Variants in PEX14 observed in about 807,000 individuals in gnomAD.
PEX14 encodes peroxisomal membrane protein PEX14.
PEX14 carries 15 observed loss-of-function variants against 49.5 expected under a neutral mutation model. The observed-to-expected ratio is 0.30, with a 90% confidence interval of 0.20 to 0.47. The LOEUF is 0.47. Among genes scored for constraint, PEX14 ranks in the 20% least tolerant of loss-of-function variants. The pLI is 1.00. For synonymous variants in PEX14, 210 were observed against 212.7 expected (o/e 0.99, Z 0.11); for missense variants, 398 against 494.8 (o/e 0.80, Z 1.86).
intron 3 of PEX14, among the ~76,000 whole-genome samples, chr1:10,588,171 G>A (rs942332050): frequency 6.6e-6 from 1 of 151,768 alleles, no homozygotes; most frequent in African/African-American, 2.4e-5. Flanking sequence ...AGTGAGCCGA[G>A]ATTGCACCAC....
chr1:10,592,327 G>A (rs1319189720), intron 3 of PEX14, among the ~76,000 whole-genome samples: 2 of 151,886 alleles, frequency 1.3e-5, no homozygotes, highest in Admixed American at 6.6e-5. Flanking sequence ...AACGATATTT[G>A]TCCTGCTATT....
intron 3 of PEX14, among the ~76,000 whole-genome samples, chr1:10,558,385 C>G (rs865891691): frequency 2.0e-5 from 3 of 151,944 alleles, no homozygotes; most frequent in Non-Finnish European, 4.4e-5. Context: ...CTACCCACTG[C>G]GAATCAAGAA....
chr1:10,594,613 G>C (rs1001738774), intron 3 of PEX14, among the ~76,000 whole-genome samples: 3 of 152,220 alleles, frequency 2.0e-5, no homozygotes, highest in African/African-American at 7.2e-5. Context: ...CCTGAAAGAT[G>C]AAGAGAACAC....
intron 4 of PEX14, among the ~76,000 whole-genome samples, chr1:10,603,352 A>G (rs1014294677): frequency 6.6e-5 from 10 of 152,234 alleles, no homozygotes; most frequent in African/African-American, 1.4e-4. Flanking sequence ...TTGTGATTTA[A>G]TGCCAAAATT....
chr1:10,512,423 C>G lies in PEX14; in HGVS notation c.84+17102C>G, dbSNP rs1225167820. ...GAAACAGAGACTTCTGTGGATTCAT[C>G]CAAAGGATGGCAGACAGATTGTGGA... On this transcript the variant is annotated intron_variant, in intron 2 of 8. Transcript: ENST00000356607. The surrounding 1 kb of genome is among the most constrained non-coding windows in gnomAD (Gnocchi z 4.6). Among the ~76,000 whole-genome samples, 2 of 152,162 alleles carry G rather than the reference C, an allele frequency of 1.3e-5. No individual in the cohort carries two copies. The highest frequency in any genetic ancestry group is 4.8e-5 in the African/African-American group (2 of 41,440).
intron 1 of PEX14, among the ~76,000 whole-genome samples, 153 bp downstream of exon 1, chr1:10,475,155 C>G (rs1193401641): frequency 1.3e-5 from 2 of 151,736 alleles, no homozygotes; most frequent in Non-Finnish European, 2.9e-5. Context: ...TCCCCAGGTC[C>G]TCCCCACCCG....
At chr1:10,477,603 T>G (rs983736098) in intron 1 of PEX14, among the ~76,000 whole-genome samples, 2 of 152,218 alleles carry the variant, frequency 1.3e-5, no homozygotes, top group East Asian at 3.8e-4. Flanking sequence ...TATTCTGTCT[T>G]TCACAGAAAG....
intron 6 of PEX14, 99 bp from the exon 7 acceptor site, chr1:10,624,241 T>G: frequency 1.2e-6 from 1 of 813,984 alleles, no homozygotes; most frequent in South Asian, 1.3e-5. Context: ...ATAAATTAGA[T>G]GGAGCGGGAA....
chr1:10,569,186 T>C (rs1022199788), intron 3 of PEX14, among the ~76,000 whole-genome samples: 1 of 152,190 alleles, frequency 6.6e-6, no homozygotes, highest in Non-Finnish European at 1.5e-5. Flanking sequence ...TGAATACTAA[T>C]TATAATAAAT....
intron 2 of PEX14, among the ~76,000 whole-genome samples, chr1:10,506,280 T>C (rs1302060131): frequency 1.3e-5 from 2 of 152,116 alleles, no homozygotes; most frequent in Non-Finnish European, 2.9e-5. Context: ...TGTTCTTTTT[T>C]TGTGTGTTTT....
chr1:10,568,323 T>TGGG, intron 3 of PEX14, among the ~76,000 whole-genome samples: 1 of 118,762 alleles, frequency 8.4e-6, no homozygotes, highest in African/African-American at 3.8e-5. Flanking sequence ...TAGATACTCT[T>TGGG]CCCCCCCCCC....
chr1:10,558,304 G>A (rs886914933), intron 3 of PEX14, among the ~76,000 whole-genome samples: 9 of 151,938 alleles, frequency 5.9e-5, no homozygotes, highest in African/African-American at 2.2e-4. Flanking sequence ...CACCGTGCCC[G>A]GCCTGCTTGT....
At chr1:10,616,228 G>A (rs1432020823) in intron 4 of PEX14, among the ~76,000 whole-genome samples, 1 of 152,116 alleles carries the variant, frequency 6.6e-6, no homozygotes, top group East Asian at 1.9e-4. Context: ...TTTGCGACTT[G>A]GATCCGCCTG....
At chr1:10,503,605 A>G (rs1241271766) in intron 2 of PEX14, among the ~76,000 whole-genome samples, 1 of 151,966 alleles carries the variant, frequency 6.6e-6, no homozygotes. Context: ...AGTGTGATCT[A>G]AAGCATAGGT....
chr1:10,523,859 A>G (rs916476463), intron 2 of PEX14, among the ~76,000 whole-genome samples: 4 of 149,302 alleles, frequency 2.7e-5, no homozygotes, highest in African/African-American at 7.4e-5. Context: ...CCAAGAGAGC[A>G]TTTGATTTGA....
At position 10,624,369 on chromosome 1, in the gene PEX14, G is replaced by T. The variant is rs200019568; in HGVS notation, c.517G>T (p.Val173Phe). The T allele has an allele frequency of 3.2e-5, 51 of 1,613,336 alleles. No homozygotes were observed. Among genetic ancestry groups the T allele is most frequent in the Non-Finnish European group, 4.2e-5 (49 of 1,179,758 alleles). Residue 173 changes from valine to phenylalanine, a missense_variant, in exon 7 of 9, where the codon GTC (valine) becomes TTC (phenylalanine). Val to Phe is a conservative substitution (Grantham distance 50). Around this residue, in one of 3 missense-constraint regions of PEX14, gnomAD observed 202 missense variants for 298.5 expected, o/e 0.68. Transcript: ENST00000356607. ...VTQLQTTLAS[V>F]QELLIQQQQK... Reference sequence around the variant, plus strand: ...TCAGTTACAGACGACCCTCGCCTCCGTCCAGGAGCTGCTGATTCAGCAGCA... The same window carrying T: ...TCAGTTACAGACGACCCTCGCCTCCTTCCAGGAGCTGCTGATTCAGCAGCA...
intron 3 of PEX14, among the ~76,000 whole-genome samples, chr1:10,583,963 G>A (rs1377937728): frequency 6.6e-6 from 1 of 151,544 alleles, no homozygotes; most frequent in Non-Finnish European, 1.5e-5. Context: ...ACAGTATCTT[G>A]GTAAGGACTT....
intron 3 of PEX14, among the ~76,000 whole-genome samples, chr1:10,551,687 G>A (rs754554512): frequency 1.0e-3 from 154 of 152,180 alleles, no homozygotes; most frequent in Non-Finnish European, 1.9e-3. Context: ...TGTGAATGAT[G>A]CATTGTAGAA....
chr1:10,484,292 C>G (rs1343055207), intron 1 of PEX14, among the ~76,000 whole-genome samples: 1 of 151,638 alleles, frequency 6.6e-6, no homozygotes, highest in Admixed American at 6.6e-5. Flanking sequence ...CCCACCTCGG[C>G]CTCCCAAAGT....
Sources: allele counts gnomAD v4.1 joint callset (sites outside exome capture counted in the v4.1 genomes callset), GRCh38; gene constraint gnomAD v4.1.1; regional missense constraint gnomAD v4.1.1; non-coding constraint Gnocchi (gnomAD v3.1); transcripts MANE v1.5; gene names NCBI Gene and HGNC (gene_info 2026-07-23, HGNC 2026-07-21).